Variants in CAMKK1 observed in about 807,000 individuals in gnomAD.
The protein encoded by CAMKK1 is calcium/calmodulin dependent protein kinase kinase 1.
A neutral mutation model predicts 63.5 loss-of-function variants in CAMKK1; 20 were observed. The observed-to-expected ratio is 0.32, with a 90% confidence interval of 0.22 to 0.46. The LOEUF (loss-of-function observed/expected upper bound fraction) is 0.46. CAMKK1 is among the 20% of genes least tolerant of loss of function. The pLI is 1.00. For synonymous variants in CAMKK1, 253 were observed against 269.0 expected, an observed-to-expected ratio of 0.94 and a Z score of 0.58; for missense variants, 588 against 658.1, an observed-to-expected ratio of 0.89 and a Z score of 1.17.
At position 3,882,246 on chromosome 17, in the gene CAMKK1, C is replaced by A. The variant is rs373604209; in HGVS notation, c.685+282G>T. The A allele has an allele frequency of 1.0e-5, 16 of 1,590,856 alleles. No individual in the cohort carries two copies. In the Admixed American group the frequency reaches 1.0e-4, roughly 10 times the overall value. On this transcript the variant is annotated intron_variant, in intron 7 of 15. Coordinates refer to ENST00000348335, the MANE Select transcript of CAMKK1 (RefSeq NM_032294.3). This position sits in a 1 kb window ranked among gnomAD's most constrained non-coding sequence, Gnocchi z 4.3. ...GTCTGGGAACCCATGCAGCCTGCTTCCTGCATCTACCTGAGCGCGCAGCCC... is the reference window on the plus strand; with the variant it reads ...GTCTGGGAACCCATGCAGCCTGCTTACTGCATCTACCTGAGCGCGCAGCCC...
At position 3,862,376 on chromosome 17, in the gene CAMKK1, C is replaced by T; in HGVS notation, c.1446-93G>A. The T allele has an allele frequency of 9.3e-7, 1 of 1,075,060 alleles. No individual in the cohort carries two copies. Among genetic ancestry groups the T allele is most frequent in the Non-Finnish European group, 1.4e-6 (1 of 719,496 alleles). 66.6% of individuals were successfully genotyped at this position (1,075,060 alleles called of 1,614,324 possible). A position where few individuals can be genotyped will look rare whatever the true frequency, so the allele number is the denominator to read the frequency against. ...CTCACACACACAGGAATCTGAATCC[C>T]ACATCTCTCAAAGCCCCCTTCACCC... On this transcript the variant is annotated intron_variant, in intron 15 of 15. Transcript: ENST00000348335. This position sits in a 1 kb window ranked among gnomAD's most constrained non-coding sequence, Gnocchi z 4.1.
At chr17:3,880,168 G>C (rs548689848) in intron 9 of CAMKK1, 178 bp downstream of exon 9, 715 of 427,516 alleles carry the variant, frequency 1.7e-3, no homozygotes, top group Middle Eastern at 4.3e-3. Flanking sequence ...TCCACCGCCC[G>C]CCCCACCCCA....
At position 3,861,965 on chromosome 17, in the gene CAMKK1, C is replaced by T; in HGVS notation, c.*246G>A. The T allele has an allele frequency of 1.8e-6, 1 of 567,542 alleles. No individual in the cohort carries two copies. The highest frequency in any genetic ancestry group is 2.1e-5 in the South Asian group (1 of 48,152). The allele number at this position is 567,542 out of a possible 1,614,324, so 35.2% of individuals were successfully genotyped here. A position where few individuals can be genotyped will look rare whatever the true frequency, so the allele number is the denominator to read the frequency against. On this transcript the variant is annotated 3_prime_UTR_variant, in exon 16 of 16. Coordinates refer to ENST00000348335, the MANE Select transcript of CAMKK1 (RefSeq NM_032294.3). ...CGGTTTCCCCACAGAATGGGTCAGGCCAAGGAGGTCCAAGAAGAGGAGGAT... is the reference window on the plus strand; with the variant it reads ...CGGTTTCCCCACAGAATGGGTCAGGTCAAGGAGGTCCAAGAAGAGGAGGAT...
In CAMKK1 at chr17:3,862,345, C is replaced by G. The variant is rs1375963182; in HGVS notation, c.1446-62G>C. 7 of 1,235,500 alleles carry G rather than the reference C, an allele frequency of 5.7e-6. No homozygotes were observed. The highest frequency in any genetic ancestry group is 8.1e-6 in the Non-Finnish European group (7 of 859,724). The allele number at this position is 1,235,500 out of a possible 1,614,324, so 76.5% of individuals were successfully genotyped here. On this transcript the variant is annotated intron_variant, in intron 15 of 15. Transcript: ENST00000348335. This position sits in a 1 kb window ranked among gnomAD's most constrained non-coding sequence, Gnocchi z 4.1. ...GTCAGAATATGCACTCAGGGAGACA[C>G]TCTCCCTCACACACACAGGAATCTG...
At chr17:3,875,459 T>A (rs1396094066) in intron 10 of CAMKK1, among the ~76,000 whole-genome samples, 1 of 151,998 alleles carries the variant, frequency 6.6e-6, no homozygotes, top group Non-Finnish European at 1.5e-5. Flanking sequence ...TGTTTTTATT[T>A]TTTTTTTTGT....
intron 12 of CAMKK1, among the ~76,000 whole-genome samples, chr17:3,871,366 T>C (rs1156970288): frequency 1.6e-5 from 2 of 125,660 alleles, no homozygotes; most frequent in Admixed American, 7.7e-5. Context: ...TTTTTTTTTT[T>C]TTTTTTGAGA....
At position 3,882,684 on chromosome 17, in the gene CAMKK1, G is replaced by C; in HGVS notation, c.649-120C>G. 1 of 954,946 alleles carries C rather than the reference G, an allele frequency of 1.0e-6. No individual in the cohort carries two copies. Among genetic ancestry groups the C allele is most frequent in the East Asian group, 2.6e-5 (1 of 38,238 alleles). The allele number at this position is 954,946 out of a possible 1,614,324, so 59.2% of individuals were successfully genotyped here. On this transcript the variant is annotated intron_variant, in intron 6 of 15. Transcript: ENST00000348335. The surrounding 1 kb of genome is among the most constrained non-coding windows in gnomAD (Gnocchi z 4.3). ...GTATGCATGCAACCACCCCAGACAA[G>C]GAAGCAGGAAGTGTACAGGTGGTGC...
rs146612172 is a variant in CAMKK1 at position 3,870,608 on chromosome 17, G to A, written c.1125-720C>T. ...TCTCGATCTCCTGATCTCATGATCC[G>A]CCTGCCTTGGCCTCCCAAAGTGCTG... On this transcript the variant is annotated intron_variant, in intron 12 of 15. Transcript: ENST00000348335. Among the ~76,000 whole-genome samples the A allele has an allele frequency of 4.5e-3, 690 of 152,118 alleles. 4 individuals are homozygous for A. Among genetic ancestry groups the A allele is most frequent in the Non-Finnish European group, 7.9e-3 (539 of 67,966 alleles).
intron 9 of CAMKK1, 56 bp from the exon 10 acceptor site, chr17:3,876,478 C>T (rs2055159933): frequency 1.0e-5 from 15 of 1,481,466 alleles, no homozygotes; most frequent in African/African-American, 1.4e-5. Flanking sequence ...TGGCCAGGAC[C>T]CCACACCCGT....
In CAMKK1 at chr17:3,862,092, C is replaced by T. The variant is rs1011911802; in HGVS notation, c.*119G>A. ...GTCATGCAGCACGATGGGGGAGGGG[C>T]GGGAGTGGGGCTGCAGTCCCCAGCC... On this transcript the variant is annotated 3_prime_UTR_variant, in exon 16 of 16. Transcript: ENST00000348335. This position sits in a 1 kb window ranked among gnomAD's most constrained non-coding sequence, Gnocchi z 4.1. 13 of 728,666 alleles carry T rather than the reference C, an allele frequency of 1.8e-5. No individual in the cohort carries two copies. The highest frequency in any genetic ancestry group is 8.8e-5 in the African/African-American group (5 of 56,916). The allele number at this position is 728,666 out of a possible 1,614,324, so 45.1% of individuals were successfully genotyped here.
At position 3,868,029 on chromosome 17, in the gene CAMKK1, G is replaced by A. The variant is rs149593119; in HGVS notation, c.1341+1458C>T. Among the ~76,000 whole-genome samples, 457 of 104,964 alleles carry A rather than the reference G, an allele frequency of 4.4e-3. 24 individuals are homozygous for A. The highest frequency in any genetic ancestry group is 0.019 in the African/African-American group (328 of 16,958). 68.9% of individuals were successfully genotyped at this position (104,964 alleles called of 152,430 possible). On this transcript the variant is annotated intron_variant, in intron 14 of 15. Coordinates refer to ENST00000348335, the MANE Select transcript of CAMKK1 (RefSeq NM_032294.3). ...CGCGGGCTCTGGGGGAGAAGCAGGC[G>A]CCGTCTAACTGATACACAGGATCTG...
In CAMKK1 at chr17:3,873,461, G is replaced by A. The variant is rs2054988398; in HGVS notation, c.998C>T (p.Ala333Val). 2.5e-6 allele frequency: 4 copies of A among 1,614,078 alleles called. No individual in the cohort carries two copies. The highest frequency in any genetic ancestry group is 3.4e-6 in the Non-Finnish European group (4 of 1,180,002). Residue 333 changes from alanine to valine, a missense_variant and splice_region_variant, in exon 11 of 16, where the codon GCC (alanine) becomes GTC (valine). Physicochemically the swap from Ala to Val is moderately conservative, Grantham distance 64. This residue lies in a region of CAMKK1 where 226 missense variants were observed against 229.2 expected (regional missense o/e 0.99). Coordinates refer to ENST00000348335, the MANE Select transcript of CAMKK1 (RefSeq NM_032294.3). ...GACGCCAGTGGCCCATACATCCAAG[G>A]CCTGGAAAGAAACATGCTCACATCA... is the stretch of plus-strand genomic sequence containing the variant. Reference protein sequence around the residue: ...SDSGQSFSGKALDVWATGVTL... With the variant: ...SDSGQSFSGKVLDVWATGVTL...
At position 3,869,867 on chromosome 17, in the gene CAMKK1, G is replaced by T; in HGVS notation, c.1146C>A (p.Leu382=). ...CTAACATCTTCAGGATCAGGTCCTT[G>T]AGCTCCTCGCTGATTTCTGGCCTGG... ...FPEEPEISEE[L]KDLILKMLDK... is the part of the protein sequence containing the mutation. Residue 382 remains leucine, a synonymous_variant, in exon 13 of 16, where the codon CTC becomes CTA. Transcript: ENST00000348335. 1.2e-6 allele frequency: 2 copies of T among 1,614,230 alleles called. No homozygotes were observed. Among genetic ancestry groups the T allele is most frequent in the Admixed American group, 3.3e-5 (2 of 60,026 alleles).
intron 15 of CAMKK1, among the ~76,000 whole-genome samples, chr17:3,863,341 C>A (rs920838242): frequency 6.6e-6 from 1 of 151,808 alleles, no homozygotes; most frequent in Non-Finnish European, 1.5e-5. Flanking sequence ...AATAAAAATA[C>A]AAAAATTAGC....
chr17:3,876,549 A>G, intron 9 of CAMKK1, 127 bp from the exon 10 acceptor site: 1 of 764,434 alleles, frequency 1.3e-6, no homozygotes, highest in Middle Eastern at 3.3e-4. Context: ...TCGTCTGGTG[A>G]CGACCTGGGA....
chr17:3,885,386 G>C lies in CAMKK1; in HGVS notation c.302C>G (p.Pro101Arg). The C allele has an allele frequency of 2.5e-6, 4 of 1,611,434 alleles. No homozygotes were observed. The highest frequency in any genetic ancestry group is 3.4e-6 in the Non-Finnish European group (4 of 1,178,988). ...GATGGTGGGCCTCCGCCAGGCCCGG[G>C]GGGAGATGTGGCTGGCAGGCCCCGT... The part of the protein sequence containing the change: ...YATGPASHIS[P>R]RAWRRPTIES... Residue 101 changes from proline to arginine, a missense_variant, in exon 2 of 16, where the codon CCC becomes CGC. Transcript: ENST00000348335.
At position 3,883,504 on chromosome 17, in the gene CAMKK1, T is replaced by C; in HGVS notation, c.463-24A>G. On this transcript the variant is annotated intron_variant, in intron 4 of 15. Transcript: ENST00000348335. The surrounding 1 kb of genome is among the most constrained non-coding windows in gnomAD (Gnocchi z 4.7). ...GCCTAAGGAAGGAGGGACAGAAATG[T>C]CACTACTGTGCAGCCACCAGGGGCT... 1 of 1,600,912 alleles carries C rather than the reference T, an allele frequency of 6.2e-7. No individual in the cohort carries two copies. Among genetic ancestry groups the C allele is most frequent in the African/African-American group, 1.3e-5 (1 of 74,738 alleles).
chr17:3,871,369 T>G (rs2054857811), intron 12 of CAMKK1, among the ~76,000 whole-genome samples: 1 of 124,390 alleles, frequency 8.0e-6, no homozygotes, highest in African/African-American at 3.1e-5. Flanking sequence ...TTTTTTTTTT[T>G]TTTGAGACAG....
chr17:3,878,250 G>A (rs1254612828), intron 9 of CAMKK1, among the ~76,000 whole-genome samples: 1 of 152,020 alleles, frequency 6.6e-6, no homozygotes, highest in Non-Finnish European at 1.5e-5. Flanking sequence ...TCTTCTTGGG[G>A]CCAGAATCAC....
Sources: allele counts gnomAD v4.1 joint callset (sites outside exome capture counted in the v4.1 genomes callset), GRCh38; gene constraint gnomAD v4.1.1; regional missense constraint gnomAD v4.1.1; non-coding constraint Gnocchi (gnomAD v3.1); transcripts MANE v1.5; gene names NCBI Gene and HGNC (gene_info 2026-07-23, HGNC 2026-07-21).